CLUAP1: variants seen among roughly 807,000 people sequenced by gnomAD.
CLUAP1 encodes clusterin-associated protein 1.
In CLUAP1, 50 loss-of-function variants were observed where a neutral mutation model predicts 55.0. The ratio of observed to expected loss-of-function variants is 0.91; its 90% CI spans 0.72 to 1.15. CLUAP1 has a LOEUF of 1.15. Ranked by LOEUF, CLUAP1 falls within the 50% of genes most tolerant of loss-of-function variation. The pLI is 0.00. For missense variants in CLUAP1, 530 were observed against 507.6 expected (o/e 1.04, Z -0.42); for synonymous variants, 195 against 175.4 (o/e 1.11, Z -0.88).
At chr16:3,508,610 G>GTCACAAT in intron 4 of CLUAP1, 142 bp downstream of exon 4, 1 of 657,552 alleles carries the variant, frequency 1.5e-6, no homozygotes, top group Non-Finnish European at 2.4e-6. Context: ...ATCAGCATTT[G>GTCACAAT]GATAAAGTCA....
intron 6 of CLUAP1, among the ~76,000 whole-genome samples, chr16:3,516,402 C>A (rs1416060077): frequency 6.6e-6 from 1 of 152,178 alleles, no homozygotes; most frequent in Non-Finnish European, 1.5e-5. Flanking sequence ...TGCTGGGCAG[C>A]CCAGCCTAGG....
rs202028616 is a variant in CLUAP1, at chr16:3,526,556, GATAT to G, written c.928+81_928+84del. On this transcript the variant is annotated intron_variant, in intron 9 of 11. Transcript: ENST00000576634. ...TTCAGCCTTGAAATATATATAGAGA[GATAT>G]ATATATATTTTTTAATATGTATTTT... The G allele has an allele frequency of 5.8e-4, 456 of 785,510 alleles. 5 individuals carry two copies. In the African/African-American group the frequency reaches 6.9e-3, roughly 12 times the overall value. The allele number at this position is 785,510 out of a possible 1,614,324, so 48.7% of individuals were successfully genotyped here. A position where few individuals can be genotyped will look rare whatever the true frequency, so the allele number is the denominator to read the frequency against.
intron 1 of CLUAP1, among the ~76,000 whole-genome samples, chr16:3,503,224 C>T (rs1239205524): frequency 1.3e-5 from 2 of 151,978 alleles, no homozygotes; most frequent in East Asian, 1.9e-4. Flanking sequence ...AGTGCAGTGA[C>T]GCGATCTCGG....
intron 6 of CLUAP1, among the ~76,000 whole-genome samples, chr16:3,517,796 T>G (rs542149577): frequency 6.6e-6 from 1 of 152,304 alleles, no homozygotes; most frequent in East Asian, 1.9e-4. Context: ...CTGACTCTAA[T>G]GAGACAAAGC....
intron 9 of CLUAP1, among the ~76,000 whole-genome samples, chr16:3,529,895 TTA>T (rs1483673427): frequency 6.1e-4 from 64 of 104,226 alleles, no homozygotes; most frequent in African/African-American, 2.1e-3. Flanking sequence ...ATATTTATAA[TTA>T]TATATGTTAT....
At chr16:3,506,304 G>C in intron 2 of CLUAP1, 27 bp from the exon 3 acceptor site, 2 of 1,579,914 alleles carry the variant, frequency 1.3e-6, no homozygotes, top group Non-Finnish European at 1.7e-6. Context: ...GTTAACCCGT[G>C]CTCTCTCCTC....
At chr16:3,533,915 C>T (rs989032496) in intron 11 of CLUAP1, 2 of 152,196 alleles carry the variant, frequency 1.3e-5, no homozygotes, top group Non-Finnish European at 2.9e-5. Context: ...GCCTCTTCTC[C>T]AGGGTTTGCC....
At chr16:3,519,012 G>T (rs2037781806) in intron 6 of CLUAP1, among the ~76,000 whole-genome samples, 1 of 152,182 alleles carries the variant, frequency 6.6e-6, no homozygotes, top group African/African-American at 2.4e-5. Context: ...ACCCTGGGGG[G>T]CAGTTCCACG....
chr16:3,514,747 C>G (rs1477576141), intron 5 of CLUAP1, among the ~76,000 whole-genome samples: 3 of 152,184 alleles, frequency 2.0e-5, no homozygotes, highest in Admixed American at 6.5e-5. Flanking sequence ...GAGGGATCTC[C>G]CCAGGGTTTC....
chr16:3,512,594 T>C (rs961412628), intron 5 of CLUAP1, 116 bp downstream of exon 5: 7 of 765,144 alleles, frequency 9.1e-6, no homozygotes, highest in South Asian at 1.7e-5. Flanking sequence ...TTGAATGAGC[T>C]AATGTGTGGA....
the CLUAP1 span, chr16:3,495,511 C>T: frequency 3.9e-6 from 6 of 1,548,960 alleles, no homozygotes; most frequent in Non-Finnish European, 5.2e-6. Context: ...TGGCAGGTCT[C>T]CCCTGGCAAC....
intron 9 of CLUAP1, among the ~76,000 whole-genome samples, chr16:3,526,814 C>T (rs1043004466): frequency 6.6e-6 from 1 of 152,000 alleles, no homozygotes; most frequent in Non-Finnish European, 1.5e-5. Context: ...ATAGTGTTTT[C>T]CCCTGTTTAA....
At chr16:3,531,088 G>A (rs1050776257) in intron 10 of CLUAP1, among the ~76,000 whole-genome samples, 1 of 152,196 alleles carries the variant, frequency 6.6e-6, no homozygotes, top group Non-Finnish European at 1.5e-5. Context: ...CAGCGCAGTG[G>A]TGCACACCTT....
chr16:3,533,245 C>A, intron 11 of CLUAP1: 2 of 1,026,806 alleles, frequency 1.9e-6, no homozygotes, highest in Non-Finnish European at 2.9e-6. Context: ...GTGATGCTTC[C>A]TCTCTCCTGG....
chr16:3,532,403 C>CTT lies in CLUAP1; in HGVS notation c.1037-356_1037-355dup, dbSNP rs58037008. On this transcript the variant is annotated intron_variant, in intron 10 of 11. Coordinates refer to ENST00000576634, the MANE Select transcript of CLUAP1 (RefSeq NM_015041.3). Reference sequence around the variant, plus strand: ...CCTGTTAATGTTTGGAGCACAGTTGCTTTTTTTTTTTTTTTTTTTTTTTTT... The same window carrying CTT: ...CCTGTTAATGTTTGGAGCACAGTTGCTTTTTTTTTTTTTTTTTTTTTTTTTTT... Among the ~76,000 whole-genome samples, 15 of 50,728 alleles carry CTT rather than the reference C, an allele frequency of 3.0e-4. 1 individual carries two copies. The highest frequency in any genetic ancestry group is 4.9e-4 in the Non-Finnish European group (14 of 28,758). 33.3% of individuals were successfully genotyped at this position (50,728 alleles called of 152,430 possible).
intron 11 of CLUAP1, chr16:3,535,588 T>C (rs2038214742): frequency 6.5e-6 from 1 of 152,730 alleles, no homozygotes; most frequent in African/African-American, 2.4e-5. Context: ...TCTTTTTTTT[T>C]TGAGATGGAG....
At chr16:3,522,884 G>A (rs1420545883) in intron 7 of CLUAP1, among the ~76,000 whole-genome samples, 1 of 152,004 alleles carries the variant, frequency 6.6e-6, no homozygotes, top group Non-Finnish European at 1.5e-5. Flanking sequence ...CTGGTGATGG[G>A]ATTATCAGTA....
At chr16:3,517,358 G>A (rs1476284511) in intron 6 of CLUAP1, among the ~76,000 whole-genome samples, 3 of 152,092 alleles carry the variant, frequency 2.0e-5, no homozygotes, top group Non-Finnish European at 4.4e-5. Context: ...CCAGGCTGAA[G>A]TGCAGTAGCG....
intron 9 of CLUAP1, 162 bp from the exon 10 acceptor site, chr16:3,530,406 T>C (rs776929247): frequency 2.7e-5 from 17 of 618,516 alleles, no homozygotes; most frequent in Non-Finnish European, 4.6e-5. Flanking sequence ...ATTGATTATA[T>C]AATTTGATTT....
Sources: gnomAD v4.1 joint callset for allele counts (sites outside exome capture counted in the v4.1 genomes callset) on GRCh38, gnomAD v4.1.1 for gene constraint, MANE v1.5 for transcripts, NCBI Gene and HGNC (gene_info 2026-07-23, HGNC 2026-07-21) for gene names.